RIGI: variants seen among roughly 807,000 people sequenced by gnomAD.
The protein encoded by RIGI is RNA sensor RIG-I, also known as antiviral innate immune response receptor RIG-I.
the RIGI span, among the ~76,000 whole-genome samples, chr9:32,524,875 A>T: frequency 6.6e-6 from 1 of 152,078 alleles, no homozygotes; most frequent in Non-Finnish European, 1.5e-5. Flanking sequence ...TGCTGGCTGC[A>T]GGGAGCCGAA....
At chr9:32,474,224 AG>A in the RIGI span, among the ~76,000 whole-genome samples, 1 of 150,862 alleles carries the variant, frequency 6.6e-6, no homozygotes, top group Non-Finnish European at 1.5e-5. Context: ...AAAAAAAAAA[AG>A]GTTTTAAAGT....
the RIGI span, among the ~76,000 whole-genome samples, chr9:32,482,938 C>T: frequency 6.6e-6 from 1 of 152,060 alleles, no homozygotes; most frequent in East Asian, 1.9e-4. Flanking sequence ...TCCTGTTCTC[C>T]AGAGCAGCAT....
At chr9:32,501,975 TTCATCAC>T in the RIGI span, among the ~76,000 whole-genome samples, 10 of 152,204 alleles carry the variant, frequency 6.6e-5, no homozygotes, top group African/African-American at 2.4e-4. Flanking sequence ...TTAGTACATT[TTCATCAC>T]TATAAAAAGA....
the RIGI span, among the ~76,000 whole-genome samples, chr9:32,495,275 C>T: frequency 1.3e-5 from 2 of 152,174 alleles, no homozygotes; most frequent in African/African-American, 4.8e-5. Flanking sequence ...GATCTCGGCT[C>T]ACTGCAAACT....
the RIGI span, among the ~76,000 whole-genome samples, chr9:32,507,862 A>C: frequency 6.6e-6 from 1 of 152,144 alleles, no homozygotes; most frequent in South Asian, 2.1e-4. Context: ...CTGGCAGATG[A>C]CCAAAACCTG....
At chr9:32,488,545 A>C in the RIGI span, among the ~76,000 whole-genome samples, 1 of 152,344 alleles carries the variant, frequency 6.6e-6, no homozygotes, top group African/African-American at 2.4e-5. Context: ...AGAAGGGCAA[A>C]CCAGGGGAGT....
At chr9:32,496,498 G>GCTCATCATTT in the RIGI span, among the ~76,000 whole-genome samples, 1 of 152,172 alleles carries the variant, frequency 6.6e-6, no homozygotes, top group African/African-American at 2.4e-5. Flanking sequence ...CTTTTCTTGA[G>GCTCATCATTT]CTCATCATTT....
At chr9:32,506,646 A>G in the RIGI span, among the ~76,000 whole-genome samples, 2 of 152,332 alleles carry the variant, frequency 1.3e-5, no homozygotes, top group South Asian at 2.1e-4. Flanking sequence ...CTGTTTTTCC[A>G]GTATAATCTC....
At chr9:32,455,468 T>C in the RIGI span, among the ~76,000 whole-genome samples, 4,454 of 152,078 alleles carry the variant, frequency 0.029, 208 homozygotes, top group African/African-American at 0.099. Context: ...TATAAAACCA[T>C]CAGATCTCAT....
At chr9:32,468,732 A>G in the RIGI span, among the ~76,000 whole-genome samples, 1 of 151,934 alleles carries the variant, frequency 6.6e-6, no homozygotes, top group African/African-American at 2.4e-5. Context: ...CAAGCTAGCT[A>G]TCAGCAGTGT....
At chr9:32,481,489 A>G in the RIGI span, 17 of 1,542,232 alleles carry the variant, frequency 1.1e-5, no homozygotes, top group Admixed American at 1.7e-4. Context: ...TGAATTTGAG[A>G]TAAGTTTTCT....
At chr9:32,481,571 C>A in the RIGI span, 1 of 1,095,630 alleles carries the variant, frequency 9.1e-7, no homozygotes, top group South Asian at 1.6e-5. Context: ...CAGGCCTCAC[C>A]CTCTAATTTT....
chr9:32,513,739 A>C, the RIGI span, among the ~76,000 whole-genome samples: 1 of 152,252 alleles, frequency 6.6e-6, no homozygotes, highest in Non-Finnish European at 1.5e-5. Flanking sequence ...GAATCTAATT[A>C]AACTAAAGAG....
At chr9:32,516,551 G>T in the RIGI span, among the ~76,000 whole-genome samples, 1 of 152,194 alleles carries the variant, frequency 6.6e-6, no homozygotes, top group Non-Finnish European at 1.5e-5. Flanking sequence ...CTGAGTTCCT[G>T]ATTGCTAGGA....
At chr9:32,478,468 G>A in the RIGI span, among the ~76,000 whole-genome samples, 1 of 152,162 alleles carries the variant, frequency 6.6e-6, no homozygotes, top group Non-Finnish European at 1.5e-5. Context: ...TTTAACACTA[G>A]TTCAATGACA....
At chr9:32,518,461 G>A in the RIGI span, among the ~76,000 whole-genome samples, 1 of 151,598 alleles carries the variant, frequency 6.6e-6, no homozygotes, top group Non-Finnish European at 1.5e-5. Context: ...TAGATGGTGT[G>A]TGTAAGTCAT....
the RIGI span, chr9:32,526,144 C>T: frequency 9.3e-6 from 15 of 1,613,574 alleles, no homozygotes; most frequent in African/African-American, 8.0e-5. Flanking sequence ...GGCTTGCAGG[C>T]TGCGTCGCTG....
At chr9:32,498,982 C>CA in the RIGI span, among the ~76,000 whole-genome samples, 5,715 of 97,072 alleles carry the variant, frequency 0.059, 201 homozygotes, top group African/African-American at 0.081. Flanking sequence ...GACTCTGTCT[C>CA]AAAAAAAAAA....
the RIGI span, among the ~76,000 whole-genome samples, chr9:32,519,906 T>C: frequency 0.075 from 11,453 of 152,224 alleles, 887 homozygotes; most frequent in African/African-American, 0.2. Context: ...ACAAGTGTTA[T>C]GCCAGTTTGA....
Sources: allele counts gnomAD v4.1 joint callset (sites outside exome capture counted in the v4.1 genomes callset), GRCh38; gene constraint gnomAD v4.1.1; transcripts MANE v1.5; gene names NCBI Gene and HGNC (gene_info 2026-07-23, HGNC 2026-07-21).